ADGRB2: variants seen among roughly 807,000 people sequenced by gnomAD.
The protein encoded by ADGRB2 is adhesion G protein-coupled receptor B2.
ADGRB2 carries 47 observed loss-of-function variants against 178.7 expected under a neutral mutation model. The ratio of observed to expected loss-of-function variants is 0.26; its 90% CI spans 0.21 to 0.34. The LOEUF is 0.34. Ranked by LOEUF, ADGRB2 falls within the 10% of genes least tolerant of loss-of-function variation. The probability of loss-of-function intolerance (pLI) is 1.00; values close to 1 mark genes in which losing one functional copy is unlikely to be tolerated. For missense variants in ADGRB2, 1,584 were observed against 2,180.8 expected, an observed-to-expected ratio of 0.73 and a Z score of 5.45; for synonymous variants, 870 against 912.4, an observed-to-expected ratio of 0.95 and a Z score of 0.84.
rs750885813 is a variant in ADGRB2 at position 31,727,485 on chromosome 1, G to A, written c.4693C>T (p.Leu1565=). ...LPPKPRERLT[L]HRAAAWEPTE... Reference sequence around the variant, plus strand: ...GGCTCCCAGGCTGCTGCCCGGTGCAGAGTCAGCCGTTCTCGGGGCTTGGGG... The same window carrying A: ...GGCTCCCAGGCTGCTGCCCGGTGCAAAGTCAGCCGTTCTCGGGGCTTGGGG... Residue 1565 remains leucine (L), a synonymous_variant, in exon 33 of 33, where the codon CTG becomes TTG. Coordinates refer to ENST00000373658, the MANE Select transcript of ADGRB2 (RefSeq NM_001364857.2). The surrounding 1 kb of genome is among the most constrained non-coding windows in gnomAD (Gnocchi z 4.4). The A allele has an allele frequency of 1.9e-6, 3 of 1,597,520 alleles. No homozygotes were observed.
chr1:31,728,315 G>A lies in ADGRB2; in HGVS notation c.4417-35C>T, dbSNP rs762598577. ...ACAGGGCATCAGAGGGTCGCTCCCC[G>A]GGGCAGCACCATGATCCCCCCTACC... is the stretch of plus-strand genomic sequence containing the variant. On this transcript the variant is annotated intron_variant, in intron 30 of 32. Coordinates refer to ENST00000373658, the MANE Select transcript of ADGRB2 (RefSeq NM_001364857.2). This position sits in a 1 kb window ranked among gnomAD's most constrained non-coding sequence, Gnocchi z 6.7. 3.3e-5 allele frequency: 52 copies of A among 1,598,596 alleles called. 1 individual carries two copies. Among genetic ancestry groups the A allele is most frequent in the South Asian group, 2.3e-4 (21 of 90,390 alleles).
At chr1:31,762,630 C>G (rs1647074728) in intron 1 of ADGRB2, among the ~76,000 whole-genome samples, 1 of 151,930 alleles carries the variant, frequency 6.6e-6, no homozygotes, top group Non-Finnish European at 1.5e-5. Flanking sequence ...ATCCCACCCC[C>G]AGAACATATG....
chr1:31,742,850 C>T lies in ADGRB2; in HGVS notation c.1240G>A (p.Ala414Thr). ...PELQTKLCSM[A>T]ACPVEGQWLE... ...GGGTGCTACTGACCCGGGCAGGCAG[C>T]CATACTGCAGAGCTTAGTCTGCAGC... Residue 414 changes from alanine to threonine, a missense_variant, in exon 7 of 33, where the codon GCT (alanine) becomes ACT (threonine). This residue lies in a region of ADGRB2 where 657 missense variants were observed against 847.6 expected (regional missense o/e 0.78). Coordinates refer to ENST00000373658, the MANE Select transcript of ADGRB2 (RefSeq NM_001364857.2). 6.7e-7 allele frequency: 1 copy of T among 1,487,778 alleles called. No homozygotes were observed. The highest frequency in any genetic ancestry group is 2.8e-5 in the East Asian group (1 of 36,338). 92.2% of individuals were successfully genotyped at this position (1,487,778 alleles called of 1,614,324 possible). A position where few individuals can be genotyped will look rare whatever the true frequency, so the allele number is the denominator to read the frequency against.
chr1:31,757,957 G>A (rs1646917670), intron 1 of ADGRB2, among the ~76,000 whole-genome samples: 1 of 152,170 alleles, frequency 6.6e-6, no homozygotes, highest in Non-Finnish European at 1.5e-5. Flanking sequence ...GACACACAGA[G>A]CAGTCAGGCC....
In ADGRB2 at chr1:31,753,903, G is replaced by A. The variant is rs3766827; in HGVS notation, c.838+2096C>T. On this transcript the variant is annotated intron_variant, in intron 4 of 32. Coordinates refer to ENST00000373658, the MANE Select transcript of ADGRB2 (RefSeq NM_001364857.2). The surrounding 1 kb of genome is among the most constrained non-coding windows in gnomAD (Gnocchi z 4.1). ...CCAGCTCTGGGCACCAGTGTGCCAT[G>A]TGAGCCCACTTATGACAGCTGATGC... Among the ~76,000 whole-genome samples the A allele has an allele frequency of 1.7e-4, 26 of 152,318 alleles. No individual in the cohort carries two copies. The East Asian group carries it at 4.8e-3, about 28-fold the overall frequency.
Position 31,750,257 on chromosome 1 carries a change from C to T in ADGRB2, c.839-5526G>A, listed in dbSNP as rs74340586. Among the ~76,000 whole-genome samples the T allele has an allele frequency of 7.8e-3, 1,195 of 152,314 alleles. 13 individuals are homozygous for T. The highest frequency in any genetic ancestry group is 0.036 in the East Asian group (185 of 5,176). ...ACCTGTGAGGATCTTGGGCTCATCC[C>T]TCCTGTGGTCCCTGAGGAAGGGTCT... On this transcript the variant is annotated intron_variant, in intron 4 of 32. Transcript: ENST00000373658.
chr1:31,735,746 G>A lies in ADGRB2; in HGVS notation c.3267+81C>T, dbSNP rs1553182370. 6.3e-7 allele frequency: 1 copy of A among 1,578,026 alleles called. No individual in the cohort carries two copies. The highest frequency in any genetic ancestry group is 8.6e-7 in the Non-Finnish European group (1 of 1,156,860). On this transcript the variant is annotated intron_variant, in intron 23 of 32. Coordinates refer to ENST00000373658, the MANE Select transcript of ADGRB2 (RefSeq NM_001364857.2). The surrounding 1 kb of genome is among the most constrained non-coding windows in gnomAD (Gnocchi z 6.0). ...CAGGGAAATCCCCATGTGGGAGCTG[G>A]AGCGCAGGGAGGAGGTAGAGGGAGA...
rs772175981 is a variant in ADGRB2, at chr1:31,756,430, G to A, written c.407C>T (p.Ala136Val). Residue 136 changes from alanine (A) to valine (V), a missense_variant, in exon 4 of 33, where the codon GCA (alanine) becomes GTA (valine). Ala to Val is a moderately conservative substitution (Grantham distance 64). Transcript: ENST00000373658. This position sits in a 1 kb window ranked among gnomAD's most constrained non-coding sequence, Gnocchi z 8.5. ...GCCGCTGCACAGCTCCAACCCCGCT[G>A]CCGCCTCTGCCTCCTCCTCTTCTGG... ...GRPEEEEAEA[A>V]AGLELCSGSG... 21 of 1,611,838 alleles carry A rather than the reference G, an allele frequency of 1.3e-5. No homozygotes were observed. The highest frequency in any genetic ancestry group is 1.7e-5 in the Non-Finnish European group (20 of 1,179,342).
rs142096618 is a variant in ADGRB2 at position 31,758,792 on chromosome 1, C to T, written c.-190-1281G>A. The T allele has an allele frequency of 2.5e-5, 4 of 161,576 alleles. No homozygotes were observed. Among genetic ancestry groups the T allele is most frequent in the Middle Eastern group, 1.0e-3 (2 of 1,938 alleles). The allele number at this position is 161,576 out of a possible 1,614,324, so 10.0% of individuals were successfully genotyped here. On this transcript the variant is annotated intron_variant, in intron 1 of 32. Transcript: ENST00000373658. The surrounding 1 kb of genome is among the most constrained non-coding windows in gnomAD (Gnocchi z 4.2). ...CAGGCTGTGCCTCTCCCCCCAACCA[C>T]CCACCCTCCTCCTCAGAGCTGAAAA...
At chr1:31,732,362 C>T (rs1261588669) in intron 27 of ADGRB2, among the ~76,000 whole-genome samples, 155 bp downstream of exon 27, 1 of 152,246 alleles carries the variant, frequency 6.6e-6, no homozygotes, top group African/African-American at 2.4e-5. Flanking sequence ...AAGGACTTGC[C>T]CAATGCCACC....
rs549568397 is a variant in ADGRB2, at chr1:31,757,564, C to T, written c.-190-53G>A. On this transcript the variant is annotated intron_variant, in intron 1 of 32. Coordinates refer to ENST00000373658, the MANE Select transcript of ADGRB2 (RefSeq NM_001364857.2). ...GAGTAAGGGGACATTGGGCTTGAGC[C>T]CCAACCCAGCCAGCCACCTGCTGGT... The T allele has an allele frequency of 3.4e-4, 98 of 289,982 alleles. 1 individual carries two copies. The South Asian group carries it at 5.3e-3, about 16-fold the overall frequency. The allele number at this position is 289,982 out of a possible 1,614,324, so 18.0% of individuals were successfully genotyped here.
In ADGRB2 at chr1:31,733,260, C is replaced by T; in HGVS notation, c.3453-117G>A. 8.9e-7 allele frequency: 1 copy of T among 1,124,398 alleles called. No homozygotes were observed. The highest frequency in any genetic ancestry group is 1.2e-6 in the Non-Finnish European group (1 of 800,484). 69.7% of individuals were successfully genotyped at this position (1,124,398 alleles called of 1,614,324 possible). ...TGCCCAAGACTGGGAGGGCCCCAAA[C>T]CCCAGGGCCTCAGTAATGTCCCCAA... On this transcript the variant is annotated intron_variant, in intron 25 of 32. Coordinates refer to ENST00000373658, the MANE Select transcript of ADGRB2 (RefSeq NM_001364857.2). This position sits in a 1 kb window ranked among gnomAD's most constrained non-coding sequence, Gnocchi z 4.3.
rs72887376 is a variant in ADGRB2, at chr1:31,744,874, C to T, written c.839-143G>A. 1.3e-6 allele frequency: 1 copy of T among 772,706 alleles called. No individual in the cohort carries two copies. The highest frequency in any genetic ancestry group is 2.2e-6 in the Non-Finnish European group (1 of 450,688). 47.9% of individuals were successfully genotyped at this position (772,706 alleles called of 1,614,324 possible). On this transcript the variant is annotated intron_variant, in intron 4 of 32. Transcript: ENST00000373658. This position sits in a 1 kb window ranked among gnomAD's most constrained non-coding sequence, Gnocchi z 6.7. Reference sequence around the variant, plus strand: ...TGCTCTCTCAGGATCACATTCTGCCCTCTGCCCCACCACCACTATTTCACA... The same window carrying T: ...TGCTCTCTCAGGATCACATTCTGCCTTCTGCCCCACCACCACTATTTCACA...
Position 31,738,338 on chromosome 1 carries a change from G to A in ADGRB2, c.2646-12C>T, listed in dbSNP as rs1317371311. On this transcript the variant is annotated splice_polypyrimidine_tract_variant and intron_variant, in intron 17 of 32. Coordinates refer to ENST00000373658, the MANE Select transcript of ADGRB2 (RefSeq NM_001364857.2). ...CTGAGCTGGCATCTCTTGGGTAGGG[G>A]AGAGATTCAGTGAGCCCCAGGCCAG... 10 of 1,613,906 alleles carry A rather than the reference G, an allele frequency of 6.2e-6. No individual in the cohort carries two copies. Among genetic ancestry groups the A allele is most frequent in the Non-Finnish European group, 8.5e-6 (10 of 1,179,912 alleles).
Position 31,742,190 on chromosome 1 carries a change from G to A in ADGRB2, c.1280C>T (p.Pro427Leu), listed in dbSNP as rs767733844. 8.7e-6 allele frequency: 14 copies of A among 1,610,560 alleles called. No individual in the cohort carries two copies. In the Admixed American group the frequency reaches 2.0e-4, roughly 23 times the overall value. ...ACAGGACGTGGAGCATGGGCCCCAGGGACCCCATTCTAACCACTGGCCTTC... is the reference window on the plus strand; with the variant it reads ...ACAGGACGTGGAGCATGGGCCCCAGAGACCCCATTCTAACCACTGGCCTTC... ...PVEGQWLEWG[P>L]WGPCSTSCAN... The change falls in exon 8 of 33, where the codon CCC becomes CTC. Residue 427 changes from proline to leucine, a missense_variant. Pro to Leu is a moderately conservative substitution (Grantham distance 98). This residue lies in a region of ADGRB2 where 657 missense variants were observed against 847.6 expected (regional missense o/e 0.78). Transcript: ENST00000373658.
Position 31,728,633 on chromosome 1 carries a change from G to A in ADGRB2, c.4381C>T (p.Arg1461Ter), listed in dbSNP as rs770581940. Residue 1461 changes from arginine to a stop codon, truncating the protein, a stop_gained and splice_region_variant, in exon 30 of 33, where the codon CGA becomes TGA. Coordinates refer to ENST00000373658, the MANE Select transcript of ADGRB2 (RefSeq NM_001364857.2). LOFTEE classifies it high-confidence loss of function. The surrounding 1 kb of genome is among the most constrained non-coding windows in gnomAD (Gnocchi z 6.7). ...AGGTCTGAATACCGTAATTTCTTTCGCTGGGAAGGAGCAACAAGGAGGCAA... is the reference window on the plus strand; with the variant it reads ...AGGTCTGAATACCGTAATTTCTTTCACTGGGAAGGAGCAACAAGGAGGCAA... ...GSTMKMGSLE[R>*]KKLRYSDLDF... The A allele has an allele frequency of 5.0e-6, 8 of 1,613,842 alleles. No homozygotes were observed. The highest frequency in any genetic ancestry group is 5.9e-6 in the Non-Finnish European group (7 of 1,179,986).
chr1:31,729,169 A>G (rs1002923231), intron 29 of ADGRB2, among the ~76,000 whole-genome samples: 1 of 152,012 alleles, frequency 6.6e-6, no homozygotes, highest in Non-Finnish European at 1.5e-5. Context: ...GGCCCCAGTA[A>G]GCTGTACTGT....
chr1:31,762,558 C>A (rs976765399), intron 1 of ADGRB2, among the ~76,000 whole-genome samples: 8 of 152,216 alleles, frequency 5.3e-5, no homozygotes, highest in Admixed American at 1.3e-4. Context: ...CTGGTCTGTA[C>A]GTGAAGGCTC....
chr1:31,742,236 G>A lies in ADGRB2; in HGVS notation c.1253-19C>T, dbSNP rs975935297. On this transcript the variant is annotated intron_variant, in intron 7 of 32. Transcript: ENST00000373658. ...CCTTCCACTGCATGGGGAGACACAA[G>A]CAGGGGTGGCTGTTGAGCAGGATGT... The A allele has an allele frequency of 1.0e-5, 16 of 1,578,286 alleles. No individual in the cohort carries two copies. Among genetic ancestry groups the A allele is most frequent in the Middle Eastern group, 1.7e-4 (1 of 5,784 alleles).
Sources: allele counts gnomAD v4.1 joint callset (sites outside exome capture counted in the v4.1 genomes callset), GRCh38; gene constraint gnomAD v4.1.1; regional missense constraint gnomAD v4.1.1; non-coding constraint Gnocchi (gnomAD v3.1); transcripts MANE v1.5; gene names NCBI Gene and HGNC (gene_info 2026-07-23, HGNC 2026-07-21).